PHKB: variants seen among roughly 807,000 people sequenced by gnomAD.
PHKB encodes the protein phosphorylase kinase regulatory subunit beta.
Under a neutral mutation model 152.1 loss-of-function variants are expected in PHKB, and 122 were observed. The ratio of observed to expected loss-of-function variants is 0.80; its 90% CI spans 0.69 to 0.93. The LOEUF is 0.93. Among genes scored for constraint, PHKB ranks in the 40% least tolerant of loss-of-function variants. The pLI is 0.00. For missense variants in PHKB, 1,304 were observed against 1,328.4 expected, an observed-to-expected ratio of 0.98 and a Z score of 0.29; for synonymous variants, 436 against 464.9, an observed-to-expected ratio of 0.94 and a Z score of 0.80.
chr16:47,511,850 G>A (rs1970515777), intron 5 of PHKB, 78 bp downstream of exon 5: 7 of 979,124 alleles, frequency 7.1e-6, no homozygotes, highest in Non-Finnish European at 9.8e-6. Flanking sequence ...TTGGCACCAG[G>A]GACTAGTTTT....
chr16:47,542,900 G>T (rs1329801638), intron 6 of PHKB, among the ~76,000 whole-genome samples: 1 of 152,204 alleles, frequency 6.6e-6, no homozygotes, highest in Non-Finnish European at 1.5e-5. Context: ...GAGATTTTGG[G>T]CTGAGACAGT....
intron 6 of PHKB, among the ~76,000 whole-genome samples, chr16:47,546,166 G>C (rs1971160543): frequency 6.6e-6 from 1 of 152,108 alleles, no homozygotes; most frequent in African/African-American, 2.4e-5. Context: ...TTGGAGAAGG[G>C]TCACTCCTGT....
intron 14 of PHKB, among the ~76,000 whole-genome samples, chr16:47,623,627 C>T (rs1972658144): frequency 2.1e-5 from 3 of 145,470 alleles, no homozygotes; most frequent in South Asian, 2.2e-4. Context: ...TGCAATGGCT[C>T]ACTGGAATCT....
Position 47,650,875 on chromosome 16 carries a change from A to G in PHKB, c.1925A>G (p.Lys642Arg), listed in dbSNP as rs978947332. The change falls in exon 20 of 31, where the codon AAA (lysine) becomes AGA (arginine). Residue 642 changes from lysine (K) to arginine (R), a missense_variant. Lys to Arg is a conservative substitution (Grantham distance 26). Transcript: ENST00000323584. Reference protein sequence around the residue: ...NPILDMLAALKKGIIGGVKVH... With the variant: ...NPILDMLAALRKGIIGGVKVH... ...ATATTAGATATGCTGGCAGCCCTTA[A>G]AAAAGGAATAATTGGAGGAGTCAAA... 6.2e-7 allele frequency: 1 copy of G among 1,613,798 alleles called. No individual in the cohort carries two copies. Among genetic ancestry groups the G allele is most frequent in the Non-Finnish European group, 8.5e-7 (1 of 1,179,848 alleles).
At chr16:47,650,730 T>C in intron 19 of PHKB, 101 bp from the exon 20 acceptor site, 1 of 1,221,786 alleles carries the variant, frequency 8.2e-7, no homozygotes, top group Non-Finnish European at 1.2e-6. Context: ...CTTCTTAGTA[T>C]GTGGTGGAAT....
chr16:47,481,348 C>T (rs1969961076), intron 1 of PHKB, among the ~76,000 whole-genome samples: 1 of 152,134 alleles, frequency 6.6e-6, no homozygotes, highest in Admixed American at 6.5e-5. Flanking sequence ...AATGCTCTTC[C>T]CTCTGGCATG....
At chr16:47,699,007 T>TCTA (rs1344363300) in intron 30 of PHKB, 2 of 571,926 alleles carry the variant, frequency 3.5e-6, no homozygotes, top group African/African-American at 3.8e-5. Context: ...AAAGAGGTTC[T>TCTA]CTAAGTAAAT....
chr16:47,667,550 A>AGG, intron 25 of PHKB, among the ~76,000 whole-genome samples: 2 of 152,376 alleles, frequency 1.3e-5, no homozygotes, highest in African/African-American at 4.8e-5. Flanking sequence ...TGGCTAAAAC[A>AGG]GACCAAAATA....
At chr16:47,607,418 G>T (rs1972345581) in intron 13 of PHKB, among the ~76,000 whole-genome samples, 1 of 152,136 alleles carries the variant, frequency 6.6e-6, no homozygotes, top group Admixed American at 6.5e-5. Flanking sequence ...GACCTTTCAT[G>T]TAACTCGAAA....
intron 29 of PHKB, among the ~76,000 whole-genome samples, chr16:47,698,163 T>C (rs1385588646): frequency 6.6e-6 from 1 of 152,232 alleles, no homozygotes; most frequent in East Asian, 1.9e-4. Context: ...GGGTATCATG[T>C]ATTATGTACA....
intron 7 of PHKB, among the ~76,000 whole-genome samples, chr16:47,558,622 T>A (rs937176435): frequency 1.3e-5 from 2 of 152,258 alleles, no homozygotes; most frequent in African/African-American, 4.8e-5. Flanking sequence ...CGATCTTGGC[T>A]CACTGCAACC....
intron 13 of PHKB, among the ~76,000 whole-genome samples, chr16:47,609,033 G>A (rs541308981): frequency 6.6e-6 from 1 of 152,282 alleles, no homozygotes; most frequent in Non-Finnish European, 1.5e-5. Context: ...GATATTAGCT[G>A]TAGCTTTTTC....
Position 47,650,546 on chromosome 16 carries a change from T to C in PHKB, c.1800T>C (p.Asn600=), listed in dbSNP as rs757243505. 91 of 1,582,636 alleles carry C rather than the reference T, an allele frequency of 5.7e-5. No homozygotes were observed. The South Asian group carries it at 8.5e-4, about 15-fold the overall frequency. The part of the protein sequence containing the change: ...DVFLLIDDIK[N]ALQFIKQYWK... ...TCCTACCTCATTCTGTTTGACAGAA[T>C]GCGCTGCAGTTCATTAAACAATATT... The change falls in exon 19 of 31, where the codon AAT becomes AAC. Residue 600 remains asparagine (N), a splice_region_variant and synonymous_variant. Transcript: ENST00000323584.
At position 47,489,144 on chromosome 16, in the gene PHKB, A is replaced by C. The variant is rs576534567; in HGVS notation, c.77-8255A>C. The stretch of plus-strand genomic sequence containing the variant: ...TCTTCACTCACTGTGACCACCTCCC[A>C]AGTTCAAGTGATTCTCCCTGCCTCA... On this transcript the variant is annotated intron_variant, in intron 1 of 30. Transcript: ENST00000323584. 1.5e-3 allele frequency among the ~76,000 whole-genome samples: 229 copies of C among 152,098 alleles called. 2 individuals are homozygous for C. Among genetic ancestry groups the C allele is most frequent in the African/African-American group, 5.3e-3 (220 of 41,524 alleles).
chr16:47,640,959 G>A lies in PHKB; in HGVS notation c.1459-76G>A, dbSNP rs1280394755. 3 of 1,326,570 alleles carry A rather than the reference G, an allele frequency of 2.3e-6. No individual in the cohort carries two copies. The African/African-American group carries it at 4.3e-5, about 19-fold the overall frequency. 82.2% of individuals were successfully genotyped at this position (1,326,570 alleles called of 1,614,324 possible). On this transcript the variant is annotated intron_variant, in intron 14 of 30. Transcript: ENST00000323584. The stretch of plus-strand genomic sequence containing the variant: ...GAACTGCTTAGAGATGGTTAATATT[G>A]TCCTTGTTTCTCATTGTAGCTGATG...
chr16:47,461,683 G>A (rs568582660), intron 1 of PHKB, among the ~76,000 whole-genome samples: 39 of 152,324 alleles, frequency 2.6e-4, no homozygotes, highest in African/African-American at 9.1e-4. Flanking sequence ...AGTAGGCAGC[G>A]GTCCGGACTT....
chr16:47,474,531 C>G (rs1270987995), intron 1 of PHKB, among the ~76,000 whole-genome samples: 1 of 151,994 alleles, frequency 6.6e-6, no homozygotes, highest in Non-Finnish European at 1.5e-5. Flanking sequence ...ATATTTCTGT[C>G]TTCCTCCAAT....
In PHKB at chr16:47,699,525, G is replaced by C; in HGVS notation, c.*159G>C. 1 of 804,466 alleles carries C rather than the reference G, an allele frequency of 1.2e-6. No individual in the cohort carries two copies. Among genetic ancestry groups the C allele is most frequent in the South Asian group, 1.4e-5 (1 of 72,484 alleles). The allele number at this position is 804,466 out of a possible 1,614,324, so 49.8% of individuals were successfully genotyped here. On this transcript the variant is annotated 3_prime_UTR_variant, in exon 31 of 31. Transcript: ENST00000323584. ...GGTTATGGACCTCTTGCATGTCATA[G>C]CCAATCTAACGGTAATGGTAAATGC...
chr16:47,662,971 T>C (rs1973469673), intron 23 of PHKB, among the ~76,000 whole-genome samples: 1 of 152,142 alleles, frequency 6.6e-6, no homozygotes, highest in Non-Finnish European at 1.5e-5. Context: ...TTTATAAATT[T>C]GAGAATAATA....
Sources: allele counts gnomAD v4.1 joint callset (sites outside exome capture counted in the v4.1 genomes callset), GRCh38; gene constraint gnomAD v4.1.1; transcripts MANE v1.5; gene names NCBI Gene and HGNC (gene_info 2026-07-23, HGNC 2026-07-21).